CNTNAP3B: variants seen among roughly 807,000 people sequenced by gnomAD.
The protein encoded by CNTNAP3B is contactin-associated protein-like 3B.
Under a neutral mutation model 108.9 loss-of-function variants are expected in CNTNAP3B, and 25 were observed. That is an observed-to-expected ratio of 0.23 (90% CI 0.17 to 0.32). The LOEUF (loss-of-function observed/expected upper bound fraction) is 0.32, where lower values mean the gene tolerates loss of function less well. Ranked by LOEUF, CNTNAP3B falls within the 10% of genes least tolerant of loss-of-function variation. CNTNAP3B has a pLI of 1.00. For synonymous variants in CNTNAP3B, 103 were observed against 473.4 expected (o/e 0.22, Z 10.16); for missense variants, 252 against 1,210.4 (o/e 0.21, Z 11.75).
intron 13 of CNTNAP3B, among the ~76,000 whole-genome samples, chr9:41,952,122 G>C (rs963049345): frequency 2.0e-5 from 3 of 152,282 alleles, no homozygotes; most frequent in Non-Finnish European, 4.4e-5. Context: ...TTGGCCAGAC[G>C]GACTAGGGAA....
chr9:41,954,738 C>G (rs975837605), intron 12 of CNTNAP3B, among the ~76,000 whole-genome samples: 1 of 152,234 alleles, frequency 6.6e-6, no homozygotes, highest in African/African-American at 2.4e-5. Context: ...GGCTGGAGTG[C>G]AGTGGCGCTA....
At chr9:42,103,374 A>G (rs964105467) in intron 2 of CNTNAP3B, among the ~76,000 whole-genome samples, 1 of 144,124 alleles carries the variant, frequency 6.9e-6, no homozygotes, top group African/African-American at 2.8e-5. Flanking sequence ...CAATGCATTA[A>G]ATGTGCTCAA....
intron 13 of CNTNAP3B, among the ~76,000 whole-genome samples, chr9:41,949,952 TG>T (rs1173489710): frequency 6.6e-6 from 1 of 151,962 alleles, no homozygotes; most frequent in Non-Finnish European, 1.5e-5. Context: ...AGCAACAGAG[TG>T]GGAAAAAATA....
chr9:41,968,424 G>C (rs1467037790), intron 10 of CNTNAP3B, among the ~76,000 whole-genome samples: 2 of 140,132 alleles, frequency 1.4e-5, no homozygotes, highest in East Asian at 2.1e-4. Flanking sequence ...TGTGGTTCTG[G>C]AGCTGGTGTT....
intron 13 of CNTNAP3B, among the ~76,000 whole-genome samples, chr9:41,952,203 C>T (rs1304391498): frequency 6.6e-6 from 1 of 152,240 alleles, no homozygotes; most frequent in African/African-American, 2.4e-5. Context: ...CACTTTCCAA[C>T]TTAAAGATTT....
chr9:42,014,471 C>T (rs1314967358), intron 3 of CNTNAP3B, among the ~76,000 whole-genome samples: 2 of 95,300 alleles, frequency 2.1e-5, no homozygotes, highest in South Asian at 3.1e-4. Flanking sequence ...TGTCTCCTGC[C>T]TAATTATTTT....
chr9:41,939,381 G>A (rs1310604377), intron 13 of CNTNAP3B, among the ~76,000 whole-genome samples: 1 of 152,296 alleles, frequency 6.6e-6, no homozygotes, highest in African/African-American at 2.4e-5. Context: ...AATATGAATC[G>A]AGATCTGGAA....
chr9:42,109,487 C>T (rs1426923140), intron 1 of CNTNAP3B, among the ~76,000 whole-genome samples: 2 of 147,730 alleles, frequency 1.4e-5, no homozygotes, highest in African/African-American at 2.6e-5. Context: ...AGATTTTGTC[C>T]GTATCTGCAG....
chr9:42,106,457 T>A lies in CNTNAP3B; in HGVS notation c.86-1718A>T, dbSNP rs1423365682. Reference sequence around the variant, plus strand: ...TAGCATGAAGAGCACCCAATATTTTTACACAGCAAGAAGCCATTGAAATGT... The same window carrying A: ...TAGCATGAAGAGCACCCAATATTTTAACACAGCAAGAAGCCATTGAAATGT... On this transcript the variant is annotated intron_variant, in intron 1 of 23. Coordinates refer to ENST00000377561, the MANE Select transcript of CNTNAP3B (RefSeq NM_001201380.3). Among the ~76,000 whole-genome samples the A allele has an allele frequency of 6.2e-4, 72 of 116,076 alleles. 1 individual carries two copies. Among genetic ancestry groups the A allele is most frequent in the Non-Finnish European group, 1.1e-3 (60 of 56,452 alleles). 76.2% of individuals were successfully genotyped at this position (116,076 alleles called of 152,430 possible). A position where few individuals can be genotyped will look rare whatever the true frequency, so the allele number is the denominator to read the frequency against.
In CNTNAP3B at chr9:42,129,250, C is replaced by G. The variant is rs1828637756; in HGVS notation, c.-156G>C. 1 of 1,138,820 alleles carries G rather than the reference C, an allele frequency of 8.8e-7. No individual in the cohort carries two copies. Among genetic ancestry groups the G allele is most frequent in the Non-Finnish European group, 1.2e-6 (1 of 864,956 alleles). 70.5% of individuals were successfully genotyped at this position (1,138,820 alleles called of 1,614,324 possible). On this transcript the variant is annotated 5_prime_UTR_variant, in exon 1 of 24. Coordinates refer to ENST00000377561, the MANE Select transcript of CNTNAP3B (RefSeq NM_001201380.3). ...TCTAGCTCTCTTCCTCACGCACTGG[C>G]AGCCTCCCTCGGCGCTGCAGACCCT...
intron 8 of CNTNAP3B, among the ~76,000 whole-genome samples, chr9:41,988,239 T>A: frequency 1.5e-4 from 1 of 6,850 alleles, no homozygotes; most frequent in South Asian, 6.0e-3. Context: ...CTTCTTTGAA[T>A]TTTTTTTTTT....
At chr9:41,969,023 C>G (rs1475291952) in intron 10 of CNTNAP3B, among the ~76,000 whole-genome samples, 1 of 152,294 alleles carries the variant, frequency 6.6e-6, no homozygotes, top group African/African-American at 2.4e-5. Flanking sequence ...GTCTCGATCT[C>G]CTGACCTCGT....
intron 12 of CNTNAP3B, among the ~76,000 whole-genome samples, chr9:41,954,415 T>C (rs1174865441): frequency 1.3e-5 from 2 of 152,184 alleles, no homozygotes; most frequent in Non-Finnish European, 2.9e-5. Context: ...ACAACAGAGA[T>C]CAGAGGAAAG....
chr9:42,058,178 T>A (rs1234043477), intron 3 of CNTNAP3B, among the ~76,000 whole-genome samples: 1 of 148,212 alleles, frequency 6.7e-6, no homozygotes, highest in Non-Finnish European at 1.5e-5. Context: ...TGAACATGGT[T>A]GTACAGATAT....
chr9:41,972,912 T>C (rs1825447151), intron 9 of CNTNAP3B, among the ~76,000 whole-genome samples: 2 of 126,894 alleles, frequency 1.6e-5, no homozygotes, highest in Admixed American at 1.7e-4. Context: ...CATGTGGTGT[T>C]TCCTGACACA....
chr9:41,935,718 G>C (rs1404305741), intron 14 of CNTNAP3B, among the ~76,000 whole-genome samples: 2 of 152,248 alleles, frequency 1.3e-5, no homozygotes, highest in Non-Finnish European at 2.9e-5. Flanking sequence ...ACTGGAAGCT[G>C]CAAAGTAAAT....
intron 12 of CNTNAP3B, among the ~76,000 whole-genome samples, 174 bp from the exon 13 acceptor site, chr9:41,953,560 C>CT (rs1160017297): frequency 1.3e-5 from 2 of 151,414 alleles, no homozygotes; most frequent in African/African-American, 4.9e-5. Flanking sequence ...AACTCAGCCT[C>CT]TAAGAGAAAG....
At chr9:42,112,228 G>T (rs1221242529) in intron 1 of CNTNAP3B, among the ~76,000 whole-genome samples, 1 of 139,548 alleles carries the variant, frequency 7.2e-6, no homozygotes, top group Admixed American at 7.1e-5. Context: ...ATTATCTTCA[G>T]GGCTCAACTC....
intron 1 of CNTNAP3B, among the ~76,000 whole-genome samples, chr9:42,112,858 A>C (rs1226163491): frequency 8.6e-6 from 1 of 115,728 alleles, no homozygotes; most frequent in African/African-American, 3.5e-5. Context: ...CCTAGAGGAA[A>C]GTTTACAGAG....
Sources: allele counts gnomAD v4.1 joint callset (sites outside exome capture counted in the v4.1 genomes callset), GRCh38; gene constraint gnomAD v4.1.1; transcripts MANE v1.5; gene names NCBI Gene and HGNC (gene_info 2026-07-23, HGNC 2026-07-21).